The following AASDH variants were observed in gnomAD, a reference collection of about 807,000 sequenced individuals.
AASDH encodes beta-alanine-activating enzyme.
In AASDH, 81 loss-of-function variants were observed where a neutral mutation model predicts 102.3. That is an observed-to-expected ratio of 0.79 (90% CI 0.66 to 0.95). The LOEUF is 0.95. Among genes scored for constraint, AASDH ranks in the 40% least tolerant of loss-of-function variants. AASDH has a pLI of 0.00. For synonymous variants in AASDH, 398 were observed against 454.0 expected (o/e 0.88, Z 1.57); for missense variants, 1,203 against 1,266.2 (o/e 0.95, Z 0.76).
chr4:56,357,553 A>T (rs985780535), intron 5 of AASDH, among the ~76,000 whole-genome samples: 5 of 151,696 alleles, frequency 3.3e-5, no homozygotes, highest in Non-Finnish European at 5.9e-5. Flanking sequence ...CTCCAACTGG[A>T]CCCCTTATCC....
intron 3 of AASDH, among the ~76,000 whole-genome samples, chr4:56,380,452 ATG>A (rs1318277552): frequency 2.0e-5 from 3 of 152,166 alleles, no homozygotes; most frequent in Non-Finnish European, 4.4e-5. Context: ...TGTGTGTTTA[ATG>A]TGTGTATGTA....
chr4:56,370,404 AAG>A (rs777631043), intron 5 of AASDH, among the ~76,000 whole-genome samples: 5 of 152,094 alleles, frequency 3.3e-5, no homozygotes, highest in South Asian at 4.2e-4. Flanking sequence ...GAAAGAAAGA[AAG>A]AAAAGAAAAG....
chr4:56,348,177 A>G (rs960583713), intron 11 of AASDH, among the ~76,000 whole-genome samples: 3 of 151,776 alleles, frequency 2.0e-5, no homozygotes, highest in Non-Finnish European at 4.4e-5. Context: ...AAAAAAGTAC[A>G]TGAATTCTTT....
chr4:56,382,349 CAT>C, intron 3 of AASDH, 126 bp downstream of exon 3: 1 of 886,288 alleles, frequency 1.1e-6, no homozygotes, highest in Non-Finnish European at 1.7e-6. Context: ...CTAAAAATGT[CAT>C]AGTGCAAAGA....
intron 14 of AASDH, among the ~76,000 whole-genome samples, chr4:56,340,811 T>C (rs1747574791): frequency 6.6e-6 from 1 of 151,934 alleles, no homozygotes; most frequent in African/African-American, 2.4e-5. Flanking sequence ...TATGAGGAAC[T>C]CAAACAACAC....
chr4:56,362,463 C>T (rs1750422839), intron 5 of AASDH, among the ~76,000 whole-genome samples: 1 of 151,990 alleles, frequency 6.6e-6, no homozygotes, highest in South Asian at 2.1e-4. Context: ...CGGGGTTTTG[C>T]CATGTTAGCC....
intron 5 of AASDH, 100 bp downstream of exon 5, chr4:56,371,351 T>G: frequency 8.1e-7 from 1 of 1,238,660 alleles, no homozygotes; most frequent in Non-Finnish European, 1.1e-6. Context: ...CCAGATTATA[T>G]TAATCCATTG....
In AASDH at chr4:56,387,343, G is replaced by C. The variant is rs1468575328; in HGVS notation, c.-43+19C>G. The C allele has an allele frequency of 1.3e-5, 2 of 152,442 alleles. No individual in the cohort carries two copies. The highest frequency in any genetic ancestry group is 4.8e-5 in the African/African-American group (2 of 41,464). 9.4% of individuals were successfully genotyped at this position (152,442 alleles called of 1,614,324 possible). On this transcript the variant is annotated intron_variant, in intron 1 of 14. Coordinates refer to ENST00000205214, the MANE Select transcript of AASDH (RefSeq NM_181806.4). ...TTCACACAGACCCCCGCCGGACACCGCGCCCTGCCGCGACTCACTTAGCAA... is the reference window on the plus strand; with the variant it reads ...TTCACACAGACCCCCGCCGGACACCCCGCCCTGCCGCGACTCACTTAGCAA...
chr4:56,379,649 C>A (rs1578073408), intron 3 of AASDH, among the ~76,000 whole-genome samples: 1 of 152,142 alleles, frequency 6.6e-6, no homozygotes, highest in African/African-American at 2.4e-5. Flanking sequence ...TAATGCAATG[C>A]GTATGATAAT....
chr4:56,375,562 T>G (rs975513814), intron 4 of AASDH, among the ~76,000 whole-genome samples: 1 of 152,192 alleles, frequency 6.6e-6, no homozygotes, highest in African/African-American at 2.4e-5. Context: ...AATTTAGTCA[T>G]AAATCAACCC....
intron 5 of AASDH, among the ~76,000 whole-genome samples, chr4:56,368,110 A>G (rs1208299173): frequency 6.6e-6 from 1 of 152,252 alleles, no homozygotes; most frequent in African/African-American, 2.4e-5. Context: ...CAAAAAACAC[A>G]TGAAAAAATG....
chr4:56,368,733 G>T (rs562993686), intron 5 of AASDH, among the ~76,000 whole-genome samples: 3 of 115,372 alleles, frequency 2.6e-5, no homozygotes, highest in Non-Finnish European at 5.3e-5. Flanking sequence ...GTGGGGGGAG[G>T]GGGGAGGGAT....
intron 5 of AASDH, among the ~76,000 whole-genome samples, chr4:56,369,272 CAT>C (rs1273284899): frequency 3.3e-5 from 5 of 152,178 alleles, no homozygotes; most frequent in Non-Finnish European, 7.3e-5. Context: ...ATTGACCTGA[CAT>C]AGAAGGAAAG....
chr4:56,344,939 T>A (rs1748142186), intron 12 of AASDH, among the ~76,000 whole-genome samples, 188 bp downstream of exon 12: 1 of 137,246 alleles, frequency 7.3e-6, no homozygotes, highest in Admixed American at 7.7e-5. Flanking sequence ...GAATTTTCTT[T>A]CTTTTTTTTT....
At chr4:56,342,781 ATAC>A (rs1241575240) in intron 14 of AASDH, 51 bp downstream of exon 14, 2 of 698,810 alleles carry the variant, frequency 2.9e-6, no homozygotes, top group African/African-American at 1.9e-5. Context: ...TTTTTTATAT[ATAC>A]ATTTATATAT....
chr4:56,339,309 G>A (rs1039160341), intron 14 of AASDH, among the ~76,000 whole-genome samples: 4 of 151,454 alleles, frequency 2.6e-5, no homozygotes, highest in African/African-American at 7.3e-5. Context: ...CCACACCCAG[G>A]TAATTTTTTG....
intron 14 of AASDH, 112 bp from the exon 15 acceptor site, chr4:56,338,903 G>C: frequency 3.7e-6 from 4 of 1,078,228 alleles, no homozygotes; most frequent in Non-Finnish European, 5.2e-6. Flanking sequence ...CTATTTGAAT[G>C]GTAACTATAC....
At chr4:56,343,519 TAAAGA>T (rs764514516) in intron 13 of AASDH, 38 bp downstream of exon 13, 78 of 1,498,870 alleles carry the variant, frequency 5.2e-5, no homozygotes, top group Non-Finnish European at 4.9e-5. Flanking sequence ...TTTACAAATT[TAAAGA>T]AAAGTAATAA....
At chr4:56,378,587 T>C in intron 3 of AASDH, 123 bp from the exon 4 acceptor site, 1 of 858,988 alleles carries the variant, frequency 1.2e-6, no homozygotes, top group Non-Finnish European at 1.8e-6. Flanking sequence ...TCTAGGATCA[T>C]CTCAGATACC....
Sources: allele counts gnomAD v4.1 joint callset (sites outside exome capture counted in the v4.1 genomes callset), GRCh38; gene constraint gnomAD v4.1.1; transcripts MANE v1.5; gene names NCBI Gene and HGNC (gene_info 2026-07-23, HGNC 2026-07-21).